Variants in TMEM132E observed in about 807,000 individuals in gnomAD.
The protein encoded by TMEM132E is transmembrane protein 132E.
Under a neutral mutation model 78.5 loss-of-function variants are expected in TMEM132E, and 49 were observed. That is an observed-to-expected ratio of 0.62 (90% confidence interval 0.50 to 0.79). The LOEUF is 0.79. Among genes scored for constraint, TMEM132E ranks in the 30% least tolerant of loss-of-function variants. The pLI, the probability that TMEM132E is intolerant of heterozygous loss-of-function variation, is 0.00. For synonymous variants in TMEM132E, 715 were observed against 670.6 expected, an observed-to-expected ratio of 1.07 and a Z score of -1.02; for missense variants, 1,403 against 1,470.9, an observed-to-expected ratio of 0.95 and a Z score of 0.75.
intron 1 of TMEM132E, among the ~76,000 whole-genome samples, chr17:34,615,688 C>T (rs1279396632): frequency 6.6e-6 from 1 of 151,952 alleles, no homozygotes; most frequent in Non-Finnish European, 1.5e-5. Context: ...GCAGGGTCTC[C>T]ACCCTTAGCG....
intron 1 of TMEM132E, among the ~76,000 whole-genome samples, chr17:34,623,137 T>C (rs1440345374): frequency 6.6e-6 from 1 of 152,140 alleles, no homozygotes; most frequent in Non-Finnish European, 1.5e-5. Flanking sequence ...TGATCCAGGA[T>C]GTTGGTTTTG....
chr17:34,600,827 GGAAAGTGATGGATGCAC>G, intron 1 of TMEM132E, among the ~76,000 whole-genome samples: 1 of 152,202 alleles, frequency 6.6e-6, no homozygotes, highest in Non-Finnish European at 1.5e-5. Flanking sequence ...GTTTCAAGCA[GGAAAGTGATGGATGCAC>G]CTGCAGAGGC....
chr17:34,618,236 T>G (rs1256847043), intron 1 of TMEM132E, among the ~76,000 whole-genome samples: 8 of 152,132 alleles, frequency 5.3e-5, no homozygotes, highest in Admixed American at 2.6e-4. Context: ...AATTTTTTTG[T>G]TTTTTGTTTG....
chr17:34,591,234 T>C (rs187102614), intron 1 of TMEM132E, among the ~76,000 whole-genome samples: 1 of 152,100 alleles, frequency 6.6e-6, no homozygotes, highest in Admixed American at 6.5e-5. Context: ...GGAGCATCCT[T>C]ACGGTCCAGT....
intron 7 of TMEM132E, 54 bp downstream of exon 7, chr17:34,635,141 C>T: frequency 1.3e-6 from 2 of 1,508,590 alleles, no homozygotes; most frequent in Non-Finnish European, 1.8e-6. Context: ...GCCTTATTTA[C>T]CTGTGGGTGC....
intron 1 of TMEM132E, among the ~76,000 whole-genome samples, chr17:34,585,973 C>T (rs1365768236): frequency 6.6e-6 from 1 of 152,200 alleles, no homozygotes; most frequent in Non-Finnish European, 1.5e-5. Flanking sequence ...TGTGTAGCCA[C>T]AGGAATTTCA....
chr17:34,629,920 G>GA, intron 4 of TMEM132E, 88 bp from the exon 5 acceptor site: 1 of 1,420,656 alleles, frequency 7.0e-7, no homozygotes, highest in Non-Finnish European at 9.4e-7. Context: ...GGAGTGGGGG[G>GA]GGAGCGTCCA....
intron 1 of TMEM132E, among the ~76,000 whole-genome samples, chr17:34,612,368 G>A (rs1368783147): frequency 3.9e-5 from 6 of 152,188 alleles, no homozygotes; most frequent in Admixed American, 3.9e-4. Flanking sequence ...CTTGGAATGT[G>A]CTCTGCTGTT....
intron 1 of TMEM132E, among the ~76,000 whole-genome samples, chr17:34,587,813 T>C (rs1020460562): frequency 6.6e-6 from 1 of 152,260 alleles, no homozygotes; most frequent in Admixed American, 6.5e-5. Context: ...CCATGATGGC[T>C]TTGTTTGTCA....
rs1032479778 is a variant in TMEM132E, at chr17:34,626,174, G to A, written c.115G>A (p.Ala39Thr). Reference sequence around the variant, plus strand: ...CAGCCCCAGCCCGCCGGGGCCGCAGGCCAGCCCGGTGCTGCCAGTCAGCTA... The same window carrying A: ...CAGCCCCAGCCCGCCGGGGCCGCAGACCAGCCCGGTGCTGCCAGTCAGCTA... ...PASPSPPGPQ[A>T]SPVLPVSYRL... is the part of the protein sequence containing the mutation. The change falls in exon 2 of 9, where the codon GCC (alanine) becomes ACC (threonine). Residue 39 changes from alanine to threonine, a missense_variant. Physicochemically the swap from Ala to Thr is moderately conservative, Grantham distance 58. Around this residue, in one of 3 missense-constraint regions of TMEM132E, gnomAD observed 511 missense variants for 499.0 expected, o/e 1.02. Transcript: ENST00000631683. 1.2e-5 allele frequency: 18 copies of A among 1,561,508 alleles called. No homozygotes were observed. Among genetic ancestry groups the A allele is most frequent in the African/African-American group, 8.1e-5 (6 of 73,792 alleles).
chr17:34,588,868 C>T (rs1173643330), intron 1 of TMEM132E, among the ~76,000 whole-genome samples: 4 of 152,166 alleles, frequency 2.6e-5, no homozygotes, highest in Non-Finnish European at 4.4e-5. Context: ...ATTCTCCTGC[C>T]TCAGCCTCCC....
At position 34,637,853 on chromosome 17, in the gene TMEM132E, A is replaced by T. The variant is rs1271989429; in HGVS notation, c.2846A>T (p.Glu949Val). 1.9e-6 allele frequency: 3 copies of T among 1,609,772 alleles called. No homozygotes were observed. The highest frequency in any genetic ancestry group is 1.7e-5 in the Admixed American group (1 of 59,936). ...GNGQPLRVQG[E>V]LSPPAGNPLE... ...GGGCAGCCGCTGCGGGTGCAAGGAG[A>T]GCTGTCGCCGCCAGCAGGCAACCCG... The change falls in exon 9 of 9, where the codon GAG (glutamate) becomes GTG (valine). Residue 949 changes from glutamate (E) to valine (V), a missense_variant. Transcript: ENST00000631683.
intron 1 of TMEM132E, among the ~76,000 whole-genome samples, chr17:34,609,707 C>T (rs1277157628): frequency 6.6e-6 from 1 of 152,180 alleles, no homozygotes; most frequent in Admixed American, 6.5e-5. Context: ...CAAACTTTTA[C>T]AAGTATAGGA....
At chr17:34,591,048 G>T (rs1029247201) in intron 1 of TMEM132E, among the ~76,000 whole-genome samples, 1 of 152,184 alleles carries the variant, frequency 6.6e-6, no homozygotes, top group African/African-American at 2.4e-5. Context: ...GCCTGACTTA[G>T]GTTTCCACTC....
At chr17:34,605,603 C>T (rs1241430715) in intron 1 of TMEM132E, among the ~76,000 whole-genome samples, 1 of 152,176 alleles carries the variant, frequency 6.6e-6, no homozygotes, top group South Asian at 2.1e-4. Context: ...AAGCCCCCCA[C>T]CATCAGCACC....
chr17:34,588,974 G>A (rs562755911), intron 1 of TMEM132E, among the ~76,000 whole-genome samples: 145 of 152,246 alleles, frequency 9.5e-4, no homozygotes, highest in African/African-American at 3.3e-3. Flanking sequence ...GGCTGGTCTC[G>A]AACTCCTGAC....
At chr17:34,623,654 C>T (rs944777000) in intron 1 of TMEM132E, among the ~76,000 whole-genome samples, 2 of 152,220 alleles carry the variant, frequency 1.3e-5, no homozygotes, top group Non-Finnish European at 2.9e-5. Context: ...ACTGATGTCA[C>T]CACCACAACT....
At chr17:34,616,672 T>C (rs776995235) in intron 1 of TMEM132E, among the ~76,000 whole-genome samples, 5 of 151,934 alleles carry the variant, frequency 3.3e-5, no homozygotes, top group Non-Finnish European at 7.4e-5. Flanking sequence ...AGCTTCGTGG[T>C]GGGGAAGGTT....
In TMEM132E at chr17:34,638,065, A is replaced by G. The variant is rs993164322; in HGVS notation, c.3058A>G (p.Thr1020Ala). ...RKRVKFTTFTTLPSEELAYDS... is the reference protein window; with the variant it reads ...RKRVKFTTFTALPSEELAYDS... ...GCGGGTCAAGTTCACCACCTTCACC[A>G]CGCTGCCGTCAGAGGAGCTGGCCTA... Residue 1020 changes from threonine to alanine, a missense_variant, in exon 9 of 9, where the codon ACG becomes GCG. Physicochemically the swap from Thr to Ala is moderately conservative, Grantham distance 58. This residue lies in a region of TMEM132E where 888 missense variants were observed against 952.8 expected (regional missense o/e 0.93). Transcript: ENST00000631683. The G allele has an allele frequency of 6.3e-6, 10 of 1,581,794 alleles. No homozygotes were observed. The highest frequency in any genetic ancestry group is 6.9e-6 in the Non-Finnish European group (8 of 1,164,032).
Sources: gnomAD v4.1 joint callset for allele counts (sites outside exome capture counted in the v4.1 genomes callset) on GRCh38, gnomAD v4.1.1 for gene constraint, gnomAD v4.1.1 regional missense constraint, MANE v1.5 for transcripts, NCBI Gene and HGNC (gene_info 2026-07-23, HGNC 2026-07-21) for gene names.